Variants in SERPINB5 observed in about 807,000 individuals in gnomAD.
The protein encoded by SERPINB5 is serpin family B member 5.
Under a neutral mutation model 32.2 loss-of-function variants are expected in SERPINB5, and 27 were observed. The ratio of observed to expected loss-of-function variants is 0.84; its 90% CI spans 0.62 to 1.16. SERPINB5 has a LOEUF of 1.16. Ranked by LOEUF, SERPINB5 falls within the 50% of genes most tolerant of loss-of-function variation. The pLI is 0.00. For missense variants in SERPINB5, 388 were observed against 436.3 expected, an observed-to-expected ratio of 0.89 and a Z score of 0.99; for synonymous variants, 154 against 157.4, an observed-to-expected ratio of 0.98 and a Z score of 0.16.
Position 63,504,042 on chromosome 18 carries a change from A to C in SERPINB5, c.*320A>C. 3.5e-6 allele frequency: 1 copy of C among 285,704 alleles called. No homozygotes were observed. Among genetic ancestry groups the C allele is most frequent in the Middle Eastern group, 1.1e-3 (1 of 938 alleles). 17.7% of individuals were successfully genotyped at this position (285,704 alleles called of 1,614,324 possible). On this transcript the variant is annotated 3_prime_UTR_variant, in exon 7 of 7. Coordinates refer to ENST00000382771, the MANE Select transcript of SERPINB5 (RefSeq NM_002639.5). ...CAGAAATACAGTCTTCCACAAAGAAAATTCCTATAAGGAAGATTTGGAAGC... is the reference window on the plus strand; with the variant it reads ...CAGAAATACAGTCTTCCACAAAGAACATTCCTATAAGGAAGATTTGGAAGC...
chr18:63,503,753 C>G lies in SERPINB5; in HGVS notation c.*31C>G. 1.2e-6 allele frequency: 2 copies of G among 1,601,540 alleles called. No individual in the cohort carries two copies. Among genetic ancestry groups the G allele is most frequent in the Non-Finnish European group, 1.7e-6 (2 of 1,174,512 alleles). Reference sequence around the variant, plus strand: ...ATAGCCCATGTTAAGTCCTCCCTGACTTTTCTGTGGATGCCGATTTCTGTA... The same window carrying G: ...ATAGCCCATGTTAAGTCCTCCCTGAGTTTTCTGTGGATGCCGATTTCTGTA... On this transcript the variant is annotated 3_prime_UTR_variant, in exon 7 of 7. Transcript: ENST00000382771.
chr18:63,500,223 A>T (rs571332073), intron 6 of SERPINB5, among the ~76,000 whole-genome samples: 7 of 143,850 alleles, frequency 4.9e-5, no homozygotes, highest in Admixed American at 2.8e-4. Flanking sequence ...ACACAGCACT[A>T]TGCCTGGCTT....
Position 63,498,997 on chromosome 18 carries a change from C to T in SERPINB5, c.568-123C>T, listed in dbSNP as rs939526698. The T allele has an allele frequency of 1.0e-4, 43 of 429,586 alleles. 1 individual carries two copies. The South Asian group carries it at 3.5e-3, about 35-fold the overall frequency. 26.6% of individuals were successfully genotyped at this position (429,586 alleles called of 1,614,324 possible). ...GGTGTAGGTATATATGTATGTGTGT[C>T]TGTATATATACATGTGGGTATATAT... On this transcript the variant is annotated intron_variant, in intron 5 of 6. Transcript: ENST00000382771. This position sits in a 1 kb window ranked among gnomAD's most constrained non-coding sequence, Gnocchi z 4.2.
chr18:63,493,050 A>G lies in SERPINB5; in HGVS notation c.522A>G (p.Lys174=). 2 of 1,614,208 alleles carry G rather than the reference A, an allele frequency of 1.2e-6. No homozygotes were observed. The highest frequency in any genetic ancestry group is 1.7e-6 in the Non-Finnish European group (2 of 1,180,034). The change falls in exon 5 of 7, where the codon AAA becomes AAG. Residue 174 remains lysine (K), a synonymous_variant. Coordinates refer to ENST00000382771, the MANE Select transcript of SERPINB5 (RefSeq NM_002639.5). ...AAYFVGKWMK[K]FSESETKECP... is the part of the protein sequence containing the mutation. ...ACTTTGTTGGCAAGTGGATGAAGAAATTTTCTGAATCAGAAACAAAAGAAT... is the reference window on the plus strand; with the variant it reads ...ACTTTGTTGGCAAGTGGATGAAGAAGTTTTCTGAATCAGAAACAAAAGAAT...
intron 5 of SERPINB5, among the ~76,000 whole-genome samples, chr18:63,496,640 G>A (rs970868975): frequency 6.6e-6 from 1 of 152,202 alleles, no homozygotes; most frequent in Non-Finnish European, 1.5e-5. Flanking sequence ...AGTATTTGAA[G>A]ATACCAGATG....
At chr18:63,489,963 C>T (rs979020720) in intron 4 of SERPINB5, among the ~76,000 whole-genome samples, 4 of 152,164 alleles carry the variant, frequency 2.6e-5, no homozygotes, top group Admixed American at 1.3e-4. Flanking sequence ...GAGGCCAAGG[C>T]GGGCGGATCA....
At chr18:63,502,837 G>C (rs981394783) in intron 6 of SERPINB5, among the ~76,000 whole-genome samples, 1 of 152,132 alleles carries the variant, frequency 6.6e-6, no homozygotes, top group African/African-American at 2.4e-5. Context: ...TGGCCAACAT[G>C]ATGAAACCCT....
In SERPINB5 at chr18:63,484,960, G is replaced by A. The variant is rs533051767; in HGVS notation, c.168+364G>A. On this transcript the variant is annotated intron_variant, in intron 2 of 6. Transcript: ENST00000382771. ...TTCACCATGTGGCCAGGCTGGTCTC[G>A]AACTCCTGACTTCAGGTGATCCGCC... is the stretch of plus-strand genomic sequence containing the variant. 2.6e-5 allele frequency among the ~76,000 whole-genome samples: 4 copies of A among 151,896 alleles called. No homozygotes were observed. The East Asian group carries it at 7.7e-4, about 29-fold the overall frequency.
chr18:63,501,005 T>TTTC (rs146165486), intron 6 of SERPINB5, among the ~76,000 whole-genome samples: 1 of 151,694 alleles, frequency 6.6e-6, no homozygotes, highest in Non-Finnish European at 1.5e-5. Context: ...CATCAATTAT[T>TTTC]TTCTTCTTCT....
intron 1 of SERPINB5, among the ~76,000 whole-genome samples, chr18:63,480,529 C>A (rs1192245290): frequency 6.6e-6 from 1 of 152,224 alleles, no homozygotes; most frequent in East Asian, 1.9e-4. Context: ...AATCTCTACT[C>A]TGGTACTTGC....
rs923449491 is a variant in SERPINB5 at position 63,498,579 on chromosome 18, T to C, written c.568-541T>C. Among the ~76,000 whole-genome samples the C allele has an allele frequency of 6.6e-6, 1 of 152,176 alleles. No homozygotes were observed. Among genetic ancestry groups the C allele is most frequent in the Non-Finnish European group, 1.5e-5 (1 of 68,040 alleles). The stretch of plus-strand genomic sequence containing the variant: ...ATCTATGCAAATACAGTATTATATA[T>C]ACTTCATGTAATGTGTAACATGTAG... On this transcript the variant is annotated intron_variant, in intron 5 of 6. Transcript: ENST00000382771. The surrounding 1 kb of genome is among the most constrained non-coding windows in gnomAD (Gnocchi z 4.2).
chr18:63,483,335 C>T (rs9952356), intron 1 of SERPINB5, among the ~76,000 whole-genome samples: 37 of 152,338 alleles, frequency 2.4e-4, no homozygotes, highest in African/African-American at 8.4e-4. Flanking sequence ...TCCACTGATC[C>T]TTGTAACACT....
At chr18:63,502,269 G>C (rs377058053) in intron 6 of SERPINB5, among the ~76,000 whole-genome samples, 3 of 151,668 alleles carry the variant, frequency 2.0e-5, no homozygotes, top group East Asian at 3.9e-4. Context: ...CCGAGTAGCT[G>C]GGACTACAGG....
chr18:63,497,858 A>G (rs1028260103), intron 5 of SERPINB5, among the ~76,000 whole-genome samples: 2 of 152,188 alleles, frequency 1.3e-5, no homozygotes, highest in African/African-American at 4.8e-5. Context: ...ACTGACAAGA[A>G]TACTGAGGCC....
Position 63,503,439 on chromosome 18 carries a change from T to C in SERPINB5, c.845T>C (p.Ile282Thr), listed in dbSNP as rs1245521636. Residue 282 changes from isoleucine (I) to threonine (T), a missense_variant, in exon 7 of 7, where the codon ATT becomes ACT. Coordinates refer to ENST00000382771, the MANE Select transcript of SERPINB5 (RefSeq NM_002639.5). The stretch of plus-strand genomic sequence containing the variant: ...CCAAAATTTAAGGTGGAAAAGATGA[T>C]TGATCCCAAGGCTTGTCTGGAAAAT... ...SIPKFKVEKM[I>T]DPKACLENLG... 3.1e-6 allele frequency: 5 copies of C among 1,614,152 alleles called. No individual in the cohort carries two copies. Among genetic ancestry groups the C allele is most frequent in the African/African-American group, 1.3e-5 (1 of 74,952 alleles).
At chr18:63,485,647 C>G (rs1032075057) in intron 2 of SERPINB5, 3 of 152,370 alleles carry the variant, frequency 2.0e-5, no homozygotes, top group Admixed American at 2.0e-4. Context: ...TAGAGAAAGG[C>G]CAGCGAAAGA....
chr18:63,503,075 A>G (rs1909602320), intron 6 of SERPINB5, among the ~76,000 whole-genome samples: 1 of 152,130 alleles, frequency 6.6e-6, no homozygotes, highest in African/African-American at 2.4e-5. Flanking sequence ...CTAACTTAAA[A>G]TGAAAAAACA....
chr18:63,493,275 C>T (rs1394310666), intron 5 of SERPINB5, 180 bp downstream of exon 5: 1 of 719,438 alleles, frequency 1.4e-6, no homozygotes, highest in Admixed American at 2.3e-5. Context: ...ATCCAGAGGC[C>T]CCCCCTCCTC....
chr18:63,480,376 C>T (rs1917106735), intron 1 of SERPINB5, among the ~76,000 whole-genome samples: 1 of 152,126 alleles, frequency 6.6e-6, no homozygotes, highest in African/African-American at 2.4e-5. Context: ...CGAAGTTCTC[C>T]TTGTTAAAAT....
Sources: gnomAD v4.1 joint callset for allele counts (sites outside exome capture counted in the v4.1 genomes callset) on GRCh38, gnomAD v4.1.1 for gene constraint, Gnocchi (gnomAD v3.1) non-coding constraint, MANE v1.5 for transcripts, NCBI Gene and HGNC (gene_info 2026-07-23, HGNC 2026-07-21) for gene names.